The following TAFA4 variants were observed in gnomAD, a reference collection of about 807,000 sequenced individuals.
TAFA4 encodes chemokine-like protein TAFA-4.
Under a neutral mutation model 21.1 loss-of-function variants are expected in TAFA4, and 20 were observed. That is an observed-to-expected ratio of 0.95 (90% CI 0.67 to 1.38). TAFA4 has a LOEUF of 1.38. TAFA4 is among the 40% of genes most tolerant of loss of function. The pLI is 0.00. For synonymous variants in TAFA4, 71 were observed against 67.4 expected, an observed-to-expected ratio of 1.05 and a Z score of -0.26; for missense variants, 211 against 180.9, an observed-to-expected ratio of 1.17 and a Z score of -0.95.
chr3:68,884,174 C>T (rs1420377658), intron 2 of TAFA4, among the ~76,000 whole-genome samples: 1 of 152,226 alleles, frequency 6.6e-6, no homozygotes, highest in Non-Finnish European at 1.5e-5. Context: ...GTCTTGCCTT[C>T]AGATCCATTC....
chr3:68,791,790 C>A (rs1703365728), intron 3 of TAFA4, among the ~76,000 whole-genome samples: 1 of 152,164 alleles, frequency 6.6e-6, no homozygotes, highest in African/African-American at 2.4e-5. Context: ...CAAAAGGGAG[C>A]CCTGTCCCAG....
intron 3 of TAFA4, among the ~76,000 whole-genome samples, chr3:68,826,739 C>T (rs531517938): frequency 6.6e-6 from 1 of 152,056 alleles, no homozygotes; most frequent in Non-Finnish European, 1.5e-5. Flanking sequence ...GTATTATAAA[C>T]AATGGAAGGA....
At chr3:68,744,249 C>G (rs1249324919) in intron 4 of TAFA4, among the ~76,000 whole-genome samples, 1 of 152,160 alleles carries the variant, frequency 6.6e-6, no homozygotes, top group Admixed American at 6.5e-5. Flanking sequence ...GACGGTTCCA[C>G]CTGGAAGCCA....
At chr3:68,827,072 TC>T (rs1252120671) in intron 3 of TAFA4, among the ~76,000 whole-genome samples, 104 of 146,976 alleles carry the variant, frequency 7.1e-4, no homozygotes, top group Non-Finnish European at 1.2e-3. Context: ...TGTGTAATGT[TC>T]CTCTCTCTGT....
At chr3:68,811,374 T>C (rs13082105) in intron 3 of TAFA4, among the ~76,000 whole-genome samples, 96,279 of 151,894 alleles carry the variant, frequency 0.63, 31,219 homozygotes, top group East Asian at 0.98. Context: ...CAAACTACTC[T>C]GAGCTAAAGG....
chr3:68,769,123 T>C (rs1163135967), intron 3 of TAFA4, among the ~76,000 whole-genome samples: 7 of 152,216 alleles, frequency 4.6e-5, no homozygotes, highest in Admixed American at 3.9e-4. Flanking sequence ...AAGTGCTTCA[T>C]CTGTATTTAC....
At chr3:68,858,072 C>CA (rs1165719186) in intron 3 of TAFA4, among the ~76,000 whole-genome samples, 2 of 152,098 alleles carry the variant, frequency 1.3e-5, no homozygotes, top group Admixed American at 1.3e-4. Context: ...AGATGCCACT[C>CA]ACTTCAGCAA....
intron 3 of TAFA4, among the ~76,000 whole-genome samples, chr3:68,812,392 G>C (rs1212195902): frequency 6.6e-6 from 1 of 152,162 alleles, no homozygotes; most frequent in Admixed American, 6.5e-5. Flanking sequence ...ATTGGATCAA[G>C]AGTCAAGACC....
chr3:68,888,522 T>C (rs1197178326), intron 1 of TAFA4, among the ~76,000 whole-genome samples: 4 of 152,200 alleles, frequency 2.6e-5, no homozygotes, highest in African/African-American at 9.7e-5. Flanking sequence ...CAAGTATTTG[T>C]TATAGCAATA....
At chr3:68,844,977 A>C (rs1704751284) in intron 3 of TAFA4, among the ~76,000 whole-genome samples, 1 of 152,206 alleles carries the variant, frequency 6.6e-6, no homozygotes, top group Admixed American at 6.5e-5. Flanking sequence ...TGTGGTGCTG[A>C]GAAGAATGTG....
chr3:68,783,667 CACACACAGAGAGAGAGAG>C (rs1383693143), intron 3 of TAFA4, among the ~76,000 whole-genome samples: 2 of 93,950 alleles, frequency 2.1e-5, no homozygotes, highest in Non-Finnish European at 4.3e-5. Flanking sequence ...CACAGACACA[CACACACAGAGAGAGAGAG>C]AGAGAGAGAG....
intron 3 of TAFA4, among the ~76,000 whole-genome samples, chr3:68,789,219 A>G (rs1416590820): frequency 6.8e-6 from 1 of 146,976 alleles, no homozygotes; most frequent in Non-Finnish European, 1.5e-5. Context: ...CGACAGAGTG[A>G]GACTCCGTCT....
intron 1 of TAFA4, among the ~76,000 whole-genome samples, chr3:68,911,157 G>A (rs937508144): frequency 2.0e-5 from 3 of 152,228 alleles, no homozygotes; most frequent in African/African-American, 7.2e-5. Context: ...TGACGTTTGG[G>A]AGGAGAGCAA....
intron 3 of TAFA4, among the ~76,000 whole-genome samples, chr3:68,760,692 A>G (rs1702742727): frequency 6.6e-6 from 1 of 152,228 alleles, no homozygotes; most frequent in Admixed American, 6.5e-5. Flanking sequence ...ATGAAATGAA[A>G]GCAGAAAATG....
chr3:68,856,921 C>G (rs1380462740), intron 3 of TAFA4, among the ~76,000 whole-genome samples: 1 of 152,064 alleles, frequency 6.6e-6, no homozygotes, highest in Non-Finnish European at 1.5e-5. Flanking sequence ...GAGTTACACA[C>G]AGAATGGGTC....
chr3:68,736,124 C>T (rs1702236432), intron 5 of TAFA4, among the ~76,000 whole-genome samples: 1 of 152,074 alleles, frequency 6.6e-6, no homozygotes, highest in South Asian at 2.1e-4. Context: ...TGCTTCTGCT[C>T]ACAAACAAGA....
At chr3:68,915,118 C>T (rs907302441) in intron 1 of TAFA4, among the ~76,000 whole-genome samples, 14 of 152,100 alleles carry the variant, frequency 9.2e-5, no homozygotes, top group Admixed American at 2.6e-4. Flanking sequence ...GTGATGCGGT[C>T]CCATGAAGTC....
intron 3 of TAFA4, among the ~76,000 whole-genome samples, chr3:68,872,661 A>G (rs1318981822): frequency 1.3e-5 from 2 of 152,168 alleles, no homozygotes; most frequent in East Asian, 3.8e-4. Context: ...TATCACATGT[A>G]CCCCAAAGAT....
intron 1 of TAFA4, among the ~76,000 whole-genome samples, chr3:68,908,902 A>T (rs1216256607): frequency 6.6e-6 from 1 of 152,194 alleles, no homozygotes; most frequent in East Asian, 1.9e-4. Context: ...TCCATGGCCC[A>T]GATGGTCAAA....
Sources: gnomAD v4.1 joint callset for allele counts (sites outside exome capture counted in the v4.1 genomes callset) on GRCh38, gnomAD v4.1.1 for gene constraint, MANE v1.5 for transcripts, NCBI Gene and HGNC (gene_info 2026-07-23, HGNC 2026-07-21) for gene names.